The following ADCY7 variants were observed in gnomAD, a reference collection of about 807,000 sequenced individuals.
The protein encoded by ADCY7 is adenylate cyclase 7.
ADCY7 carries 72 observed loss-of-function variants against 120.6 expected under a neutral mutation model. The observed-to-expected ratio is 0.60, with a 90% CI of 0.49 to 0.73. The LOEUF is 0.73. Ranked by LOEUF, ADCY7 falls within the 30% of genes least tolerant of loss-of-function variation. ADCY7 has a pLI of 0.00. For synonymous variants in ADCY7, 661 were observed against 628.0 expected (o/e 1.05, Z -0.78); for missense variants, 1,227 against 1,486.0 (o/e 0.83, Z 2.87).
chr16:50,288,402 G>T (rs751338460), intron 2 of ADCY7, 52 bp downstream of exon 2: 2 of 1,465,648 alleles, frequency 1.4e-6, no homozygotes. Context: ...CCTTGGCCAA[G>T]CTGCTATCTT....
intron 1 of ADCY7, 174 bp from the exon 2 acceptor site, chr16:50,287,738 G>A: frequency 6.4e-6 from 1 of 156,578 alleles, no homozygotes; most frequent in Non-Finnish European, 1.4e-5. Context: ...GGACAGTGCA[G>A]TCCTAGAAGA....
At position 50,311,682 on chromosome 16, in the gene ADCY7, T is replaced by C; in HGVS notation, c.2355-11T>C. The C allele has an allele frequency of 6.2e-7, 1 of 1,607,162 alleles. No homozygotes were observed. The highest frequency in any genetic ancestry group is 8.5e-7 in the Non-Finnish European group (1 of 1,173,858). On this transcript the variant is annotated splice_polypyrimidine_tract_variant and intron_variant, in intron 19 of 25. Transcript: ENST00000673801. ...GTGCTGGGAGTGACTTGGGCCTCCC[T>C]TCGCATTCAGTGGCACCCCTAGCTG...
chr16:50,306,158 T>A (rs1445165975), intron 14 of ADCY7, among the ~76,000 whole-genome samples: 1 of 152,240 alleles, frequency 6.6e-6, no homozygotes, highest in Non-Finnish European at 1.5e-5. Flanking sequence ...CTCAGGCTGA[T>A]GGCACCGGCC....
chr16:50,255,412 A>AAAAAAAAAAAAAAAAAAAAAAC (rs557179196), intron 1 of ADCY7, among the ~76,000 whole-genome samples: 1 of 147,626 alleles, frequency 6.8e-6, no homozygotes, highest in African/African-American at 2.5e-5. Flanking sequence ...GAAAAAAAAA[A>AAAAAAAAAAAAAAAAAAAAAAC]AAAAAAAAAG....
intron 3 of ADCY7, 121 bp downstream of exon 3, chr16:50,290,781 G>C: frequency 8.8e-7 from 1 of 1,130,382 alleles, no homozygotes; most frequent in Non-Finnish European, 1.2e-6. Context: ...GATGGCCCCA[G>C]GCTGGTTTTG....
rs990019867 is a variant in ADCY7, at chr16:50,310,798, C to T, written c.2272C>T (p.Leu758Phe). Reference sequence around the variant, plus strand: ...AGTGGCCCTGGTGGCCTACCTGGTGCTCTTCAACCTCTCCCCATGCTGGCA... The same window carrying T: ...AGTGGCCCTGGTGGCCTACCTGGTGTTCTTCAACCTCTCCCCATGCTGGCA... ...LTVALVAYLV[L>F]FNLSPCWQWD... Residue 758 changes from leucine (L) to phenylalanine (F), a missense_variant, in exon 19 of 26, where the codon CTC becomes TTC. By Grantham distance (22) the Leu-to-Phe change is conservative. Coordinates refer to ENST00000673801, the MANE Select transcript of ADCY7 (RefSeq NM_001114.5). 17 of 1,614,028 alleles carry T rather than the reference C, an allele frequency of 1.1e-5. No homozygotes were observed. Among genetic ancestry groups the T allele is most frequent in the Non-Finnish European group, 1.4e-5 (17 of 1,180,014 alleles).
At chr16:50,309,521 A>T in intron 17 of ADCY7, 27 bp from the exon 18 acceptor site, 1 of 1,602,390 alleles carries the variant, frequency 6.2e-7, no homozygotes, top group Non-Finnish European at 8.5e-7. Flanking sequence ...TTGTCCCTGG[A>T]CTGATGGGGA....
upstream of ADCY7, among the ~76,000 whole-genome samples, chr16:50,265,875 C>A (rs2033191521): frequency 6.6e-6 from 1 of 152,256 alleles, no homozygotes; most frequent in Non-Finnish European, 1.5e-5. Flanking sequence ...TCCCTCGCCA[C>A]TGAGCGCCCC....
At chr16:50,271,198 T>A (rs75914111) in intron 1 of ADCY7, among the ~76,000 whole-genome samples, 8 of 152,142 alleles carry the variant, frequency 5.3e-5, no homozygotes, top group African/African-American at 1.9e-4. Flanking sequence ...TTTGGTGGCC[T>A]TTTTCCTTGG....
intron 1 of ADCY7, among the ~76,000 whole-genome samples, chr16:50,280,295 A>T (rs1596862077): frequency 1.4e-5 from 2 of 141,584 alleles, no homozygotes; most frequent in Non-Finnish European, 1.5e-5. Flanking sequence ...TCCTGTAGTC[A>T]TTTCTAATTG....
At position 50,293,294 on chromosome 16, in the gene ADCY7, G is replaced by T; in HGVS notation, c.688-60G>T. 3.8e-6 allele frequency: 6 copies of T among 1,582,758 alleles called. No individual in the cohort carries two copies. The South Asian group carries it at 5.6e-5, about 15-fold the overall frequency. ...CCTGATGCTACCCTGCCTGTCCCCCGCTGGTCCCTCCGCCGGTCGCTTTGC... is the reference window on the plus strand; with the variant it reads ...CCTGATGCTACCCTGCCTGTCCCCCTCTGGTCCCTCCGCCGGTCGCTTTGC... On this transcript the variant is annotated intron_variant, in intron 5 of 25. Transcript: ENST00000673801.
intron 1 of ADCY7, among the ~76,000 whole-genome samples, chr16:50,285,224 C>A (rs534958092): frequency 4.6e-5 from 7 of 152,234 alleles, no homozygotes; most frequent in Non-Finnish European, 1.0e-4. Context: ...CAGCTCTTGG[C>A]CACATCCCTG....
chr16:50,314,302 G>T lies in ADCY7; in HGVS notation c.2867G>T (p.Arg956Leu). Residue 956 changes from arginine (R) to leucine (L), a missense_variant, in exon 24 of 26, where the codon CGG becomes CTG. By Grantham distance (102) the Arg-to-Leu change is moderately radical (BLOSUM62 -2). Around this residue, in one of 5 missense-constraint regions of ADCY7, gnomAD observed 244 missense variants for 332.8 expected, o/e 0.73. Coordinates refer to ENST00000673801, the MANE Select transcript of ADCY7 (RefSeq NM_001114.5). The part of the protein sequence containing the change: ...ASGHENQELE[R>L]QHAHIGVMVE... ...CAGCCTGTCCCGCAGGAGCTGGAGCGGCAGCATGCCCACATTGGTGTCATG... is the reference window on the plus strand; with the variant it reads ...CAGCCTGTCCCGCAGGAGCTGGAGCTGCAGCATGCCCACATTGGTGTCATG... The T allele has an allele frequency of 6.2e-7, 1 of 1,614,104 alleles. No homozygotes were observed. Among genetic ancestry groups the T allele is most frequent in the South Asian group, 1.1e-5 (1 of 91,076 alleles).
chr16:50,312,823 G>A, intron 21 of ADCY7, 67 bp from the exon 22 acceptor site: 1 of 1,482,802 alleles, frequency 6.7e-7, no homozygotes, highest in Non-Finnish European at 9.1e-7. Flanking sequence ...CTGCTCCTGA[G>A]GCCTTGCCAC....
At position 50,250,474 on chromosome 16, in the gene ADCY7, A is replaced by C. The variant is rs1031921609; in HGVS notation, c.-64+4271A>C. On this transcript the variant is annotated intron_variant, in intron 1 of 4. Coordinates refer to the ADCY7 transcript ENST00000564044. ...TCTATCTCAAAAAAAAAAAAAAAAAAAAAAACCTAAAATGCAGTATGTGGC... is the reference window on the plus strand; with the variant it reads ...TCTATCTCAAAAAAAAAAAAAAAAACAAAAACCTAAAATGCAGTATGTGGC... Among the ~76,000 whole-genome samples the C allele has an allele frequency of 9.1e-4, 138 of 151,714 alleles. 1 individual carries two copies. Among genetic ancestry groups the C allele is most frequent in the Middle Eastern group, 6.8e-3 (2 of 292 alleles).
At chr16:50,253,056 T>C (rs1169848514) in intron 1 of ADCY7, among the ~76,000 whole-genome samples, 1 of 152,128 alleles carries the variant, frequency 6.6e-6, no homozygotes, top group Non-Finnish European at 1.5e-5. Flanking sequence ...GAGGTTAAAG[T>C]GTTACAGACA....
chr16:50,253,180 C>T (rs1017041517), intron 1 of ADCY7, among the ~76,000 whole-genome samples: 5 of 152,186 alleles, frequency 3.3e-5, no homozygotes, highest in Non-Finnish European at 1.5e-5. Flanking sequence ...CACTAAACAG[C>T]CCGTAGCTAA....
rs773370019 is a variant in ADCY7, at chr16:50,294,662, G to A, written c.859G>A (p.Gly287Ser). 1.2e-6 allele frequency: 2 copies of A among 1,612,630 alleles called. No homozygotes were observed. The highest frequency in any genetic ancestry group is 4.5e-5 in the East Asian group (2 of 44,856). The stretch of plus-strand genomic sequence containing the variant: ...CAGCATCCTCTATGCGGACATCGTG[G>A]GCTTCACGCAGCTGGCCAGCGACTG... ...NVSILYADIVGFTQLASDCSP... is the reference protein window; with the variant it reads ...NVSILYADIVSFTQLASDCSP... The change falls in exon 7 of 26, where the codon GGC (glycine) becomes AGC (serine). Residue 287 changes from glycine (G) to serine (S), a missense_variant. Around this residue, in one of 5 missense-constraint regions of ADCY7, gnomAD observed 382 missense variants for 411.4 expected, o/e 0.93. Coordinates refer to ENST00000673801, the MANE Select transcript of ADCY7 (RefSeq NM_001114.5).
intron 3 of ADCY7, 25 bp from the exon 4 acceptor site, chr16:50,291,711 C>G: frequency 6.2e-7 from 1 of 1,613,468 alleles, no homozygotes; most frequent in Non-Finnish European, 8.5e-7. Flanking sequence ...CTTGGGGCAC[C>G]GGGCTCACCA....
Sources: allele counts gnomAD v4.1 joint callset (sites outside exome capture counted in the v4.1 genomes callset), GRCh38; gene constraint gnomAD v4.1.1; regional missense constraint gnomAD v4.1.1; transcripts MANE v1.5; gene names NCBI Gene and HGNC (gene_info 2026-07-23, HGNC 2026-07-21).